Variants in IMMP2L observed in about 807,000 individuals in gnomAD.
IMMP2L encodes mitochondrial inner membrane protease subunit 2.
Under a neutral mutation model 19.3 loss-of-function variants are expected in IMMP2L, and 18 were observed. The observed-to-expected ratio is 0.93, with a 90% CI of 0.64 to 1.38. IMMP2L has a LOEUF of 1.38. Among genes scored for constraint, IMMP2L ranks in the 40% most tolerant of loss-of-function variants. The pLI is 0.00. For missense variants in IMMP2L, 233 were observed against 218.2 expected (o/e 1.07, Z -0.43); for synonymous variants, 76 against 73.0 (o/e 1.04, Z -0.21).
intron 3 of IMMP2L, among the ~76,000 whole-genome samples, chr7:111,269,087 C>T (rs1302473028): frequency 6.6e-6 from 1 of 152,140 alleles, no homozygotes; most frequent in Non-Finnish European, 1.5e-5. Context: ...CTTCTGCCTA[C>T]AACTGCCAGT....
intron 3 of IMMP2L, among the ~76,000 whole-genome samples, chr7:111,355,867 A>G (rs997983337): frequency 8.6e-5 from 13 of 151,950 alleles, no homozygotes; most frequent in Non-Finnish European, 1.3e-4. Flanking sequence ...TTTCCTCCCA[A>G]TAGGTCTTTA....
intron 3 of IMMP2L, among the ~76,000 whole-genome samples, chr7:111,238,632 A>G (rs1814625922): frequency 6.6e-6 from 1 of 151,986 alleles, no homozygotes; most frequent in South Asian, 2.1e-4. Context: ...TTAGAGTGAT[A>G]AAAGACCCCT....
At chr7:111,151,096 C>T (rs758805021) in intron 3 of IMMP2L, among the ~76,000 whole-genome samples, 6 of 152,184 alleles carry the variant, frequency 3.9e-5, no homozygotes, top group Non-Finnish European at 5.9e-5. Context: ...ATTATAAGCA[C>T]TTGAAAACAG....
intron 3 of IMMP2L, among the ~76,000 whole-genome samples, chr7:111,264,529 G>A (rs1587127638): frequency 6.6e-6 from 1 of 151,204 alleles, no homozygotes; most frequent in East Asian, 1.9e-4. Flanking sequence ...TTAGGTTTTC[G>A]CCCAACAGGA....
intron 3 of IMMP2L, among the ~76,000 whole-genome samples, chr7:111,168,274 A>C (rs1034651616): frequency 6.6e-6 from 1 of 151,774 alleles, no homozygotes; most frequent in Admixed American, 6.6e-5. Context: ...TGTGGGCTTT[A>C]AGTTCTGTTT....
At chr7:110,856,069 G>GT (rs1806728299) in intron 5 of IMMP2L, among the ~76,000 whole-genome samples, 1 of 151,892 alleles carries the variant, frequency 6.6e-6, no homozygotes, top group South Asian at 2.1e-4. Context: ...TTCTTATAAT[G>GT]TTTGAACTGT....
At chr7:110,813,883 T>A (rs1202724537) in intron 5 of IMMP2L, among the ~76,000 whole-genome samples, 1 of 151,920 alleles carries the variant, frequency 6.6e-6, no homozygotes, top group Non-Finnish European at 1.5e-5. Flanking sequence ...CACTTTAAAA[T>A]TACACCAAAA....
At chr7:111,200,086 T>TA (rs1456590597) in intron 3 of IMMP2L, among the ~76,000 whole-genome samples, 4 of 152,130 alleles carry the variant, frequency 2.6e-5, no homozygotes, top group Admixed American at 6.5e-5. Flanking sequence ...AATAAAGGTA[T>TA]AGAGTTATTT....
At chr7:111,415,001 G>A (rs1834828977) in intron 3 of IMMP2L, among the ~76,000 whole-genome samples, 1 of 151,708 alleles carries the variant, frequency 6.6e-6, no homozygotes, top group Non-Finnish European at 1.5e-5. Context: ...TACATTATAT[G>A]ACAAGCATGA....
chr7:111,493,344 G>A (rs1843268035), intron 2 of IMMP2L, among the ~76,000 whole-genome samples: 1 of 152,090 alleles, frequency 6.6e-6, no homozygotes, highest in Non-Finnish European at 1.5e-5. Flanking sequence ...TTGGGAAGTT[G>A]TTCCTATGGC....
intron 3 of IMMP2L, among the ~76,000 whole-genome samples, chr7:111,321,334 G>A (rs144423953): frequency 3.4e-4 from 52 of 151,884 alleles, no homozygotes; most frequent in Middle Eastern, 3.4e-3. Flanking sequence ...TCCTGCTTCC[G>A]TATATGATTT....
chr7:110,954,014 G>C (rs1418611656), intron 4 of IMMP2L, among the ~76,000 whole-genome samples: 1 of 152,082 alleles, frequency 6.6e-6, no homozygotes, highest in Non-Finnish European at 1.5e-5. Context: ...TGATGGTGTT[G>C]TTTGCCTAAT....
chr7:110,698,180 C>T (rs777145321), intron 5 of IMMP2L, among the ~76,000 whole-genome samples: 6 of 152,126 alleles, frequency 3.9e-5, no homozygotes, highest in Admixed American at 1.3e-4. Context: ...CCACCATAGT[C>T]ACTGACTATG....
chr7:111,295,484 C>G (rs907692272), intron 3 of IMMP2L, among the ~76,000 whole-genome samples: 1 of 151,648 alleles, frequency 6.6e-6, no homozygotes, highest in Admixed American at 6.6e-5. Flanking sequence ...TCCCTTTCCA[C>G]AAAAGATTAG....
rs570960065 is a variant in IMMP2L at position 111,313,424 on chromosome 7, C to T, written c.239+173814G>A. On this transcript the variant is annotated intron_variant, in intron 3 of 5. Coordinates refer to ENST00000405709, the MANE Select transcript of IMMP2L (RefSeq NM_032549.4). ...GATAAGAGATAACAGCACTAACTGTCACAAAACCAAACAATAATGGAAAAA... is the reference window on the plus strand; with the variant it reads ...GATAAGAGATAACAGCACTAACTGTTACAAAACCAAACAATAATGGAAAAA... Among the ~76,000 whole-genome samples the T allele has an allele frequency of 1.2e-4, 18 of 152,150 alleles. No homozygotes were observed. The South Asian group carries it at 3.5e-3, about 30-fold the overall frequency.
At chr7:111,180,838 T>C (rs1009252090) in intron 3 of IMMP2L, among the ~76,000 whole-genome samples, 1 of 152,008 alleles carries the variant, frequency 6.6e-6, no homozygotes, top group African/African-American at 2.4e-5. Flanking sequence ...TGAGAAAAAA[T>C]TTGACAGACT....
chr7:110,999,706 T>C (rs2129561059), intron 3 of IMMP2L, among the ~76,000 whole-genome samples: 1 of 152,252 alleles, frequency 6.6e-6, no homozygotes, highest in East Asian at 1.9e-4. Context: ...TTTAACTTTC[T>C]TGTTACTGGG....
chr7:111,446,775 T>C (rs1838500649), intron 3 of IMMP2L, among the ~76,000 whole-genome samples: 1 of 152,174 alleles, frequency 6.6e-6, no homozygotes, highest in South Asian at 2.1e-4. Context: ...CGGGAGGACA[T>C]TCAAAGCAAA....
intron 3 of IMMP2L, among the ~76,000 whole-genome samples, chr7:111,222,203 C>T (rs1169541549): frequency 6.6e-6 from 1 of 151,900 alleles, no homozygotes; most frequent in African/African-American, 2.4e-5. Context: ...GATCTGTAAT[C>T]CTACCTCAAT....
Sources: allele counts gnomAD v4.1 joint callset (sites outside exome capture counted in the v4.1 genomes callset), GRCh38; gene constraint gnomAD v4.1.1; transcripts MANE v1.5; gene names NCBI Gene and HGNC (gene_info 2026-07-23, HGNC 2026-07-21).